The following ZNF208 variants were observed in gnomAD, a reference collection of about 807,000 sequenced individuals.
ZNF208 encodes zinc finger protein 95.
Under a neutral mutation model 12.1 loss-of-function variants are expected in ZNF208, and 10 were observed. That is an observed-to-expected ratio of 0.83 (90% CI 0.51 to 1.40). The LOEUF is 1.40. Ranked by LOEUF, ZNF208 falls within the 40% of genes most tolerant of loss-of-function variation. ZNF208 has a pLI of 0.00. For synonymous variants in ZNF208, 497 were observed against 488.4 expected (o/e 1.02, Z -0.23); for missense variants, 1,652 against 1,485.0 (o/e 1.11, Z -1.85).
chr19:22,010,660 C>T, intron 1 of ZNF208, 132 bp downstream of exon 1: 1 of 1,405,506 alleles, frequency 7.1e-7, no homozygotes, highest in Non-Finnish European at 1.0e-6. Context: ...GGACTGAGGT[C>T]GAGCTAGGCA....
rs777799476 is a variant in ZNF208 at position 21,971,438 on chromosome 19, C to A, written c.3596G>T (p.Cys1199Phe). The change falls in exon 4 of 4, where the codon TGT becomes TTT. Residue 1199 changes from cysteine to phenylalanine, a missense_variant. Around this residue, in one of 3 missense-constraint regions of ZNF208, gnomAD observed 1,239 missense variants for 1,086.2 expected, o/e 1.14. Transcript: ENST00000397126. ...VIHTGEKLYK[C>F]EECGKAYKWP... ...CTTATAGGCTTTGCCACATTCTTCA[C>A]ATTTGTAGAGTTTCTCTCCAGTATG... 1.2e-6 allele frequency: 2 copies of A among 1,610,236 alleles called. No individual in the cohort carries two copies. The highest frequency in any genetic ancestry group is 1.7e-5 in the Admixed American group (1 of 59,852).
At chr19:22,002,370 A>G (rs1970968998) in intron 1 of ZNF208, among the ~76,000 whole-genome samples, 1 of 152,210 alleles carries the variant, frequency 6.6e-6, no homozygotes, top group Non-Finnish European at 1.5e-5. Context: ...AGATAAAAAT[A>G]AAAGGCATCC....
In ZNF208 at chr19:21,973,700, T is replaced by G. The variant is rs751973913; in HGVS notation, c.1334A>C (p.Lys445Thr). The G allele has an allele frequency of 6.4e-7, 1 of 1,568,478 alleles. No homozygotes were observed. Among genetic ancestry groups the G allele is most frequent in the East Asian group, 2.3e-5 (1 of 43,224 alleles). ...NWSSNLMEHKKIHTGETPYKC... is the reference protein window; with the variant it reads ...NWSSNLMEHKTIHTGETPYKC... ...GTAGGGTGTCTCTCCAGTGTGAATT[T>G]TCTTATGTTCCATAAGGTTTGAGGA... is the stretch of plus-strand genomic sequence containing the variant. The change falls in exon 4 of 4, where the codon AAA (lysine) becomes ACA (threonine). Residue 445 changes from lysine (K) to threonine (T), a missense_variant. Physicochemically the swap from Lys to Thr is moderately conservative, Grantham distance 78 (BLOSUM62 -1). Coordinates refer to ENST00000397126, the MANE Select transcript of ZNF208 (RefSeq NM_007153.3).
intron 4 of ZNF208, among the ~76,000 whole-genome samples, chr19:21,954,509 T>C (rs2145520117): frequency 6.6e-6 from 1 of 152,352 alleles, no homozygotes; most frequent in South Asian, 2.1e-4. Flanking sequence ...TTTATGAATC[T>C]GGGTGCTCCT....
intron 4 of ZNF208, among the ~76,000 whole-genome samples, chr19:21,959,050 C>T (rs1970021156): frequency 6.6e-6 from 1 of 151,828 alleles, no homozygotes; most frequent in African/African-American, 2.4e-5. Flanking sequence ...CCATTGCACT[C>T]CACCCTGGGT....
intron 3 of ZNF208, among the ~76,000 whole-genome samples, chr19:21,978,076 G>A (rs1970466195): frequency 2.0e-5 from 3 of 152,196 alleles, no homozygotes; most frequent in African/African-American, 7.2e-5. Context: ...GCCACATTCA[G>A]GGGCATATAG....
chr19:21,984,444 T>G (rs2145563263), intron 3 of ZNF208, among the ~76,000 whole-genome samples: 1 of 152,158 alleles, frequency 6.6e-6, no homozygotes, highest in Non-Finnish European at 1.5e-5. Flanking sequence ...TCCCAGCTAC[T>G]CAGGAGGCTG....
At chr19:21,978,136 G>GT (rs1290230559) in intron 3 of ZNF208, among the ~76,000 whole-genome samples, 2 of 152,208 alleles carry the variant, frequency 1.3e-5, no homozygotes, top group Non-Finnish European at 2.9e-5. Flanking sequence ...AGGGACAGCT[G>GT]TGAGTGCAGC....
In ZNF208 at chr19:21,972,182, C is replaced by T. The variant is rs200918940; in HGVS notation, c.2852G>A (p.Gly951Asp). The T allele has an allele frequency of 1.1e-4, 176 of 1,607,738 alleles. No individual in the cohort carries two copies. Among genetic ancestry groups the T allele is most frequent in the Non-Finnish European group, 1.4e-4 (169 of 1,176,448 alleles). ...GGTTGAGGATGACTTATAGGCTTTGCCACATGCTTCACATTTGTAGAATTT... is the reference window on the plus strand; with the variant it reads ...GGTTGAGGATGACTTATAGGCTTTGTCACATGCTTCACATTTGTAGAATTT... ...GEKFYKCEAC[G>D]KAYKSSSTLS... Residue 951 changes from glycine (G) to aspartate (D), a missense_variant, in exon 4 of 4, where the codon GGC becomes GAC. This residue lies in a region of ZNF208 where 1,239 missense variants were observed against 1,086.2 expected (regional missense o/e 1.14). Transcript: ENST00000397126.
chr19:22,008,675 C>T (rs1250550876), intron 1 of ZNF208, among the ~76,000 whole-genome samples: 1 of 152,014 alleles, frequency 6.6e-6, no homozygotes, highest in Admixed American at 6.6e-5. Context: ...CCCTTCAATA[C>T]CAGCATCTGA....
rs1187772056 is a variant in ZNF208 at position 21,969,248 on chromosome 19, G to C, written c.*1943C>G. On this transcript the variant is annotated 3_prime_UTR_variant, in exon 4 of 4. Coordinates refer to ENST00000397126, the MANE Select transcript of ZNF208 (RefSeq NM_007153.3). ...GATCTGCCCACCTTGGCATCACAAA[G>C]TATTGGCCACAGTAAGCCAATGTGT... 6.6e-6 allele frequency among the ~76,000 whole-genome samples: 1 copy of C among 151,128 alleles called. No homozygotes were observed. The highest frequency in any genetic ancestry group is 1.5e-5 in the Non-Finnish European group (1 of 67,910).
chr19:22,010,669 C>T (rs1206752444), intron 1 of ZNF208, 123 bp downstream of exon 1: 3 of 1,488,220 alleles, frequency 2.0e-6, no homozygotes, highest in Admixed American at 1.7e-5. Flanking sequence ...TCGAGCTAGG[C>T]AAGAACTCGG....
At chr19:21,957,044 A>T (rs1331884614) in intron 4 of ZNF208, among the ~76,000 whole-genome samples, 1 of 151,572 alleles carries the variant, frequency 6.6e-6, no homozygotes, top group African/African-American at 2.4e-5. Context: ...TCCATTTTCT[A>T]TTTTTGTTTT....
intron 3 of ZNF208, among the ~76,000 whole-genome samples, chr19:21,977,181 C>T (rs145413747): frequency 0.012 from 1,886 of 152,232 alleles, 31 homozygotes; most frequent in African/African-American, 0.042. Flanking sequence ...ATACAGAAAG[C>T]AAATACTGAC....
chr19:21,981,569 A>C (rs1970539406), intron 3 of ZNF208, among the ~76,000 whole-genome samples: 4 of 152,218 alleles, frequency 2.6e-5, no homozygotes, highest in Admixed American at 6.5e-5. Context: ...CAAAATAATA[A>C]GAGCTATGTA....
At chr19:21,987,758 A>G (rs1970652832) in intron 2 of ZNF208, among the ~76,000 whole-genome samples, 1 of 152,166 alleles carries the variant, frequency 6.6e-6, no homozygotes, top group South Asian at 2.1e-4. Context: ...ACTTTGCCTA[A>G]ACCACCACTG....
rs141486459 is a variant in ZNF208, at chr19:21,995,196, C to G, written c.4-6287G>C. 2.5e-3 allele frequency among the ~76,000 whole-genome samples: 387 copies of G among 152,298 alleles called. 1 individual carries two copies. The highest frequency in any genetic ancestry group is 9.0e-3 in the African/African-American group (374 of 41,558). Reference sequence around the variant, plus strand: ...CGAACTCCTGACCTCAGGTGATCCACCCATCTTGGCTTCCCAAAGTGCTGG... The same window carrying G: ...CGAACTCCTGACCTCAGGTGATCCAGCCATCTTGGCTTCCCAAAGTGCTGG... On this transcript the variant is annotated intron_variant, in intron 1 of 3. Transcript: ENST00000397126.
At chr19:21,945,887 T>C (rs1462713247) in intron 4 of ZNF208, among the ~76,000 whole-genome samples, 2 of 139,738 alleles carry the variant, frequency 1.4e-5, no homozygotes, top group Non-Finnish European at 3.1e-5. Context: ...TATCCCCACA[T>C]AGCAGAAAAA....
chr19:21,951,914 C>G (rs1969894990), intron 4 of ZNF208, among the ~76,000 whole-genome samples: 1 of 152,234 alleles, frequency 6.6e-6, no homozygotes, highest in African/African-American at 2.4e-5. Flanking sequence ...CCAGGACAGA[C>G]TGTACTTGGA....
Sources: gnomAD v4.1 joint callset for allele counts (sites outside exome capture counted in the v4.1 genomes callset) on GRCh38, gnomAD v4.1.1 for gene constraint, gnomAD v4.1.1 regional missense constraint, MANE v1.5 for transcripts, NCBI Gene and HGNC (gene_info 2026-07-23, HGNC 2026-07-21) for gene names.